The following AIM2 variants were observed in gnomAD, a reference collection of about 807,000 sequenced individuals.
AIM2 encodes the protein absent in melanoma 2.
Under a neutral mutation model 27.7 loss-of-function variants are expected in AIM2, and 30 were observed. The ratio of observed to expected loss-of-function variants is 1.08; its 90% confidence interval spans 0.81 to 1.47. The LOEUF (loss-of-function observed/expected upper bound fraction) is 1.47, where lower values mean the gene tolerates loss of function less well. Among genes scored for constraint, AIM2 ranks in the 40% most tolerant of loss-of-function variants. The probability of loss-of-function intolerance (pLI) is 0.00; values close to 1 mark genes in which losing one functional copy is unlikely to be tolerated. For missense variants in AIM2, 358 were observed against 411.3 expected (o/e 0.87, Z 1.12); for synonymous variants, 141 against 145.3 (o/e 0.97, Z 0.21).
chr1:159,124,504 T>C (rs544327904), intron 1 of AIM2, among the ~76,000 whole-genome samples: 6 of 152,240 alleles, frequency 3.9e-5, no homozygotes, highest in Non-Finnish European at 8.8e-5. Context: ...ATCTTTACTA[T>C]TCTTTGGAAT....
At chr1:159,128,158 G>GT (rs1647772774) in intron 1 of AIM2, among the ~76,000 whole-genome samples, 1 of 152,032 alleles carries the variant, frequency 6.6e-6, no homozygotes, top group East Asian at 1.9e-4. Flanking sequence ...GTATAAAATA[G>GT]TTGCCAGATA....
chr1:159,137,038 T>G (rs1015180758), intron 1 of AIM2, among the ~76,000 whole-genome samples: 1 of 152,176 alleles, frequency 6.6e-6, no homozygotes, highest in Non-Finnish European at 1.5e-5. Context: ...CTATTCTATC[T>G]CTGTCTGTTC....
At chr1:159,081,627 C>A, upstream of AIM2, 1 of 347,952 alleles carries the variant, frequency 2.9e-6, no homozygotes. Flanking sequence ...CAAGGGTCAC[C>A]ATAACCTTGG....
chr1:159,088,816 T>C (rs950924254), intron 1 of AIM2, among the ~76,000 whole-genome samples: 1 of 151,696 alleles, frequency 6.6e-6, no homozygotes, highest in African/African-American at 2.4e-5. Flanking sequence ...CTCTGCAGAG[T>C]CCCCACAAGC....
chr1:159,081,191 T>G (rs1656767174), upstream of AIM2: 1 of 235,202 alleles, frequency 4.3e-6, no homozygotes, highest in South Asian at 7.5e-5. Flanking sequence ...ACAAAAGATA[T>G]TTGCCCCCCT....
intron 1 of AIM2, among the ~76,000 whole-genome samples, chr1:159,100,549 A>C (rs996534590): frequency 4.6e-5 from 7 of 152,216 alleles, no homozygotes; most frequent in Admixed American, 6.5e-5. Context: ...TGGAGGCAGG[A>C]ATAAGTAGAG....
At chr1:159,107,354 G>A (rs1165621702) in intron 1 of AIM2, among the ~76,000 whole-genome samples, 1 of 151,724 alleles carries the variant, frequency 6.6e-6, no homozygotes, top group African/African-American at 2.4e-5. Context: ...GCATGTTACT[G>A]AAATAAGAAT....
chr1:159,075,415 T>C (rs1383241179), intron 1 of AIM2, among the ~76,000 whole-genome samples: 1 of 151,612 alleles, frequency 6.6e-6, no homozygotes, highest in African/African-American at 2.4e-5. Flanking sequence ...AAAAAAAAAT[T>C]TGTCAAATGT....
At chr1:159,116,044 A>G (rs1317510771) in intron 1 of AIM2, among the ~76,000 whole-genome samples, 26 of 152,216 alleles carry the variant, frequency 1.7e-4, no homozygotes, top group Non-Finnish European at 1.5e-4. Flanking sequence ...ACACTTCTCA[A>G]AAGAAGACAT....
chr1:159,124,303 GA>G (rs1647624752), intron 1 of AIM2, among the ~76,000 whole-genome samples: 2 of 152,136 alleles, frequency 1.3e-5, no homozygotes, highest in African/African-American at 4.8e-5. Context: ...GTTCGATATG[GA>G]CTCCAAGATG....
intron 1 of AIM2, among the ~76,000 whole-genome samples, chr1:159,117,001 T>C (rs760452527): frequency 2.0e-5 from 3 of 152,168 alleles, no homozygotes; most frequent in Non-Finnish European, 4.4e-5. Flanking sequence ...TGGATTTGAC[T>C]ATCAAGTTAT....
At chr1:159,073,182 A>G in intron 2 of AIM2, 56 bp downstream of exon 2, 1 of 1,599,206 alleles carries the variant, frequency 6.3e-7, no homozygotes, top group Non-Finnish European at 8.5e-7. Context: ...CCATGAAAGG[A>G]AAGGCCCAGG....
At chr1:159,059,236 C>T (rs1459508205), downstream of AIM2, among the ~76,000 whole-genome samples, 2 of 151,904 alleles carry the variant, frequency 1.3e-5, no homozygotes, top group Non-Finnish European at 2.9e-5. Flanking sequence ...TTTTTTTGCC[C>T]AATGCTATTC....
the AIM2 span, among the ~76,000 whole-genome samples, chr1:159,056,579 A>G: frequency 1.3e-5 from 2 of 151,904 alleles, no homozygotes; most frequent in African/African-American, 4.8e-5. Flanking sequence ...CTGGAGTTTG[A>G]TGGCCTGAAG....
At chr1:159,093,702 A>G (rs1164093017) in intron 1 of AIM2, among the ~76,000 whole-genome samples, 2 of 150,882 alleles carry the variant, frequency 1.3e-5, no homozygotes, top group Admixed American at 6.6e-5. Flanking sequence ...AAATATATAT[A>G]TACATATATA....
At chr1:159,073,186 G>A in intron 2 of AIM2, 52 bp downstream of exon 2, 1 of 1,605,550 alleles carries the variant, frequency 6.2e-7, no homozygotes, top group Non-Finnish European at 8.5e-7. Context: ...GAAAGGAAAG[G>A]CCCAGGCTTG....
chr1:159,120,293 T>A (rs1022753870), intron 1 of AIM2, among the ~76,000 whole-genome samples: 8 of 152,220 alleles, frequency 5.3e-5, no homozygotes, highest in African/African-American at 1.9e-4. Context: ...AGGTCCTGTG[T>A]GCAAAAGACA....
chr1:159,106,880 G>T (rs1309124347), intron 1 of AIM2, among the ~76,000 whole-genome samples: 4 of 152,196 alleles, frequency 2.6e-5, no homozygotes, highest in Non-Finnish European at 5.9e-5. Flanking sequence ...CTATTATGAG[G>T]ATTAAATAAA....
At chr1:159,115,807 G>A (rs1459383001) in intron 1 of AIM2, among the ~76,000 whole-genome samples, 1 of 152,064 alleles carries the variant, frequency 6.6e-6, no homozygotes, top group Non-Finnish European at 1.5e-5. Context: ...AAAAGCAATG[G>A]CAACAAAAGC....
Sources: allele counts gnomAD v4.1 joint callset (sites outside exome capture counted in the v4.1 genomes callset), GRCh38; gene constraint gnomAD v4.1.1; transcripts MANE v1.5; gene names NCBI Gene and HGNC (gene_info 2026-07-23, HGNC 2026-07-21).